Variants in ENOX1 observed in about 807,000 individuals in gnomAD.
ENOX1 encodes ecto-NOX disulfide-thiol exchanger 1, also known as candidate growth-related and time keeping constitutive hydroquinone (NADH) oxidase.
Under a neutral mutation model 82.5 loss-of-function variants are expected in ENOX1, and 42 were observed. The ratio of observed to expected loss-of-function variants is 0.51; its 90% CI spans 0.40 to 0.66. The LOEUF is 0.66. ENOX1 is among the 30% of genes least tolerant of loss of function. The pLI is 0.00. For missense variants in ENOX1, 608 were observed against 811.6 expected (o/e 0.75, Z 3.05); for synonymous variants, 271 against 282.2 (o/e 0.96, Z 0.40).
intron 12 of ENOX1, among the ~76,000 whole-genome samples, chr13:43,279,727 C>T (rs1447798284): frequency 1.3e-5 from 2 of 152,198 alleles, no homozygotes; most frequent in African/African-American, 4.8e-5. Flanking sequence ...TCATTATCCT[C>T]TTTGCAAAAA....
intron 2 of ENOX1, among the ~76,000 whole-genome samples, chr13:43,627,555 A>G (rs780401612): frequency 6.6e-6 from 1 of 152,088 alleles, no homozygotes; most frequent in Non-Finnish European, 1.5e-5. Context: ...CTTAAAATAT[A>G]GTTGTCTTAA....
chr13:43,575,726 G>A (rs1367294174), intron 2 of ENOX1, among the ~76,000 whole-genome samples: 7 of 152,186 alleles, frequency 4.6e-5, no homozygotes, highest in East Asian at 1.9e-4. Context: ...CGGTAATTTA[G>A]CAAATTTCCA....
intron 1 of ENOX1, among the ~76,000 whole-genome samples, chr13:43,761,432 A>T (rs1432635181): frequency 6.6e-6 from 1 of 152,234 alleles, no homozygotes; most frequent in African/African-American, 2.4e-5. Context: ...TAACTCTCAG[A>T]GCACTTTTTA....
chr13:43,341,510 G>A (rs999674870), intron 9 of ENOX1, among the ~76,000 whole-genome samples: 2 of 152,260 alleles, frequency 1.3e-5, no homozygotes, highest in Non-Finnish European at 2.9e-5. Context: ...GGGGAAAGGG[G>A]CCAGTGGAAA....
At chr13:43,678,566 C>T (rs186147727) in intron 1 of ENOX1, among the ~76,000 whole-genome samples, 1 of 152,170 alleles carries the variant, frequency 6.6e-6, no homozygotes, top group South Asian at 2.1e-4. Context: ...CCATCAGGCA[C>T]AATGGACCAG....
At chr13:43,518,379 C>T (rs2077636471) in intron 2 of ENOX1, among the ~76,000 whole-genome samples, 1 of 151,962 alleles carries the variant, frequency 6.6e-6, no homozygotes, top group Non-Finnish European at 1.5e-5. Context: ...TGTCTATTAG[C>T]AAGCAGACAC....
intron 11 of ENOX1, among the ~76,000 whole-genome samples, chr13:43,310,019 C>T (rs2153517386): frequency 6.6e-6 from 1 of 152,036 alleles, no homozygotes; most frequent in South Asian, 2.1e-4. Flanking sequence ...CTGGCTAATA[C>T]AGTGAGACCC....
At chr13:43,466,761 C>T (rs903456275) in intron 3 of ENOX1, among the ~76,000 whole-genome samples, 3 of 152,144 alleles carry the variant, frequency 2.0e-5, no homozygotes, top group Non-Finnish European at 4.4e-5. Context: ...TTTCATCACA[C>T]AAAATGAAGT....
chr13:43,696,993 G>GA (rs2086672602), intron 1 of ENOX1, among the ~76,000 whole-genome samples: 1 of 152,030 alleles, frequency 6.6e-6, no homozygotes, highest in Non-Finnish European at 1.5e-5. Flanking sequence ...TGAGGAGCTG[G>GA]AAAAAGATAC....
intron 9 of ENOX1, among the ~76,000 whole-genome samples, chr13:43,337,520 G>A (rs2048783788): frequency 6.6e-6 from 1 of 152,292 alleles, no homozygotes; most frequent in East Asian, 1.9e-4. Context: ...TGTGATAGAA[G>A]TGGACTTCAA....
At chr13:43,745,752 G>A (rs1205614540) in intron 1 of ENOX1, among the ~76,000 whole-genome samples, 1 of 152,124 alleles carries the variant, frequency 6.6e-6, no homozygotes, top group African/African-American at 2.4e-5. Flanking sequence ...CCCAGTAGGG[G>A]GTGATTTAAT....
intron 1 of ENOX1, among the ~76,000 whole-genome samples, chr13:43,679,266 A>G (rs1315737828): frequency 6.6e-6 from 1 of 152,152 alleles, no homozygotes; most frequent in Non-Finnish European, 1.5e-5. Flanking sequence ...CTATGCCATG[A>G]TCATTTCTTC....
chr13:43,582,718 C>T (rs946163060), intron 2 of ENOX1, among the ~76,000 whole-genome samples: 2 of 151,998 alleles, frequency 1.3e-5, no homozygotes, highest in Admixed American at 6.6e-5. Context: ...GAACTACAGG[C>T]GCACACCACC....
intron 11 of ENOX1, among the ~76,000 whole-genome samples, chr13:43,307,851 T>C (rs990727087): frequency 1.3e-5 from 2 of 152,258 alleles, no homozygotes; most frequent in Non-Finnish European, 2.9e-5. Flanking sequence ...TATGGCAGGC[T>C]TGTGGCTTGC....
At chr13:43,647,100 G>T (rs1186122858) in intron 2 of ENOX1, among the ~76,000 whole-genome samples, 1 of 152,148 alleles carries the variant, frequency 6.6e-6, no homozygotes, top group Non-Finnish European at 1.5e-5. Context: ...AATGGACCTT[G>T]TAAGGGGCAG....
chr13:43,342,878 A>C (rs1005273247), intron 9 of ENOX1, among the ~76,000 whole-genome samples: 1 of 152,174 alleles, frequency 6.6e-6, no homozygotes, highest in African/African-American at 2.4e-5. Flanking sequence ...ACAGGTAGAC[A>C]TTTTGCGTTC....
In ENOX1 at chr13:43,356,229, T is replaced by C; in HGVS notation, c.590-77A>G. The C allele has an allele frequency of 4.8e-6, 6 of 1,258,646 alleles. No individual in the cohort carries two copies. In the South Asian group the frequency reaches 8.3e-5, roughly 17 times the overall value. 78.0% of individuals were successfully genotyped at this position (1,258,646 alleles called of 1,614,324 possible). A position where few individuals can be genotyped will look rare whatever the true frequency, so the allele number is the denominator to read the frequency against. On this transcript the variant is annotated intron_variant, in intron 7 of 16. Transcript: ENST00000690772. Reference sequence around the variant, plus strand: ...TTTGGTCCAGACCTTCAAGGCACGCTTAGGCAAATGCTCACTTATTTCTTG... The same window carrying C: ...TTTGGTCCAGACCTTCAAGGCACGCCTAGGCAAATGCTCACTTATTTCTTG...
chr13:43,608,008 G>A (rs1241006795), intron 2 of ENOX1, among the ~76,000 whole-genome samples: 2 of 152,188 alleles, frequency 1.3e-5, no homozygotes, highest in Non-Finnish European at 2.9e-5. Context: ...GAACAGGCAT[G>A]CATGTATGAT....
At chr13:43,680,782 A>G (rs1566759536) in intron 1 of ENOX1, among the ~76,000 whole-genome samples, 1 of 152,138 alleles carries the variant, frequency 6.6e-6, no homozygotes, top group East Asian at 1.9e-4. Context: ...CCCATGAACT[A>G]TTTTTTTATA....
Sources: allele counts gnomAD v4.1 joint callset (sites outside exome capture counted in the v4.1 genomes callset), GRCh38; gene constraint gnomAD v4.1.1; transcripts MANE v1.5; gene names NCBI Gene and HGNC (gene_info 2026-07-23, HGNC 2026-07-21).